The following TMTC3 variants were observed in gnomAD, a reference collection of about 807,000 sequenced individuals.
TMTC3 encodes protein O-mannosyl-transferase TMTC3.
TMTC3 carries 52 observed loss-of-function variants against 92.2 expected under a neutral mutation model. The ratio of observed to expected loss-of-function variants is 0.56; its 90% CI spans 0.45 to 0.71. TMTC3 has a LOEUF of 0.71. Among genes scored for constraint, TMTC3 ranks in the 30% least tolerant of loss-of-function variants. The pLI is 0.00. For missense variants in TMTC3, 896 were observed against 1,057.1 expected (o/e 0.85, Z 2.11); for synonymous variants, 339 against 363.3 (o/e 0.93, Z 0.76).
Position 88,176,227 on chromosome 12 carries a change from A to G in TMTC3, c.1340A>G (p.Lys447Arg), listed in dbSNP as rs1195810952. ...TTTAAGGTAAATAAAAATAATGCCA[A>G]ACTTTGGAATAATGTGGGTCATGCT... ...SALKVNKNNA[K>R]LWNNVGHALE... The change falls in exon 10 of 14, where the codon AAA (lysine) becomes AGA (arginine). Residue 447 changes from lysine to arginine, a missense_variant. Lys to Arg is a conservative substitution (Grantham distance 26, BLOSUM62 2). Transcript: ENST00000266712. The G allele has an allele frequency of 6.2e-7, 1 of 1,608,866 alleles. No individual in the cohort carries two copies. The highest frequency in any genetic ancestry group is 8.5e-7 in the Non-Finnish European group (1 of 1,177,962).
chr12:88,147,742 GT>G (rs1281016983), intron 1 of TMTC3, among the ~76,000 whole-genome samples: 1 of 149,724 alleles, frequency 6.7e-6, no homozygotes, highest in Non-Finnish European at 1.5e-5. Context: ...TTTTTGTTTT[GT>G]TTTGTTTCTA....
intron 1 of TMTC3, among the ~76,000 whole-genome samples, chr12:88,144,273 G>A (rs2040844230): frequency 6.6e-6 from 1 of 152,150 alleles, no homozygotes; most frequent in African/African-American, 2.4e-5. Flanking sequence ...TGGAGTTGTT[G>A]TGATTCAAAT....
chr12:88,172,237 C>T (rs2041212462), intron 7 of TMTC3, among the ~76,000 whole-genome samples: 1 of 152,042 alleles, frequency 6.6e-6, no homozygotes, highest in Non-Finnish European at 1.5e-5. Flanking sequence ...AATTATGCTT[C>T]TCAAATTTAA....
At chr12:88,175,342 C>T (rs901816450) in intron 9 of TMTC3, among the ~76,000 whole-genome samples, 12 of 152,036 alleles carry the variant, frequency 7.9e-5, no homozygotes, top group African/African-American at 2.9e-4. Context: ...AAAGGTTATC[C>T]GCAAAGATTT....
chr12:88,177,818 C>G (rs2041276436), intron 10 of TMTC3, among the ~76,000 whole-genome samples: 1 of 152,026 alleles, frequency 6.6e-6, no homozygotes, highest in Non-Finnish European at 1.5e-5. Flanking sequence ...GACCACTGCA[C>G]TAACTGGCTA....
At chr12:88,165,031 T>A (rs1432514234) in intron 6 of TMTC3, among the ~76,000 whole-genome samples, 1 of 152,124 alleles carries the variant, frequency 6.6e-6, no homozygotes, top group East Asian at 1.9e-4. Flanking sequence ...CTGTTATTCC[T>A]TTTAGAGAAT....
At chr12:88,158,476 A>G (rs1170536892) in intron 4 of TMTC3, among the ~76,000 whole-genome samples, 1 of 152,046 alleles carries the variant, frequency 6.6e-6, no homozygotes, top group African/African-American at 2.4e-5. Context: ...GTTTTGGCCT[A>G]ATGAGATTAT....
rs1214319398 is a variant in TMTC3 at position 88,148,261 on chromosome 12, A to G, written c.-28-27A>G. On this transcript the variant is annotated intron_variant, in intron 1 of 13. Transcript: ENST00000266712. ...CTTACTTGGAATAAATATGTTCCTT[A>G]TTTTATCTTCATGATTTTTTTTCCA... 4 of 1,437,048 alleles carry G rather than the reference A, an allele frequency of 2.8e-6. No homozygotes were observed. The East Asian group carries it at 9.2e-5, about 33-fold the overall frequency. 89.0% of individuals were successfully genotyped at this position (1,437,048 alleles called of 1,614,324 possible).
intron 6 of TMTC3, among the ~76,000 whole-genome samples, chr12:88,161,677 AT>A (rs1409816364): frequency 6.7e-6 from 1 of 148,262 alleles, no homozygotes; most frequent in Admixed American, 6.7e-5. Flanking sequence ...TTAATATTTC[AT>A]TTTATCTCCT....
intron 1 of TMTC3, among the ~76,000 whole-genome samples, chr12:88,146,090 C>A (rs1437258212): frequency 6.6e-6 from 1 of 152,098 alleles, no homozygotes; most frequent in Non-Finnish European, 1.5e-5. Context: ...ATAATGGCCC[C>A]CAGTGAGTCA....
chr12:88,144,558 A>G (rs527845262), intron 1 of TMTC3, among the ~76,000 whole-genome samples: 11 of 152,262 alleles, frequency 7.2e-5, no homozygotes, highest in African/African-American at 2.4e-4. Context: ...ATTTTATTCT[A>G]ATTTTTCAGA....
intron 2 of TMTC3, among the ~76,000 whole-genome samples, chr12:88,152,751 A>G (rs2040958108): frequency 6.6e-6 from 1 of 152,126 alleles, no homozygotes; most frequent in Admixed American, 6.6e-5. Flanking sequence ...ACTCTCTGTA[A>G]TTTGGGAATT....
intron 1 of TMTC3, 88 bp from the exon 2 acceptor site, chr12:88,148,200 T>A: frequency 2.6e-6 from 2 of 759,420 alleles, no homozygotes; most frequent in East Asian, 5.3e-5. Context: ...TCTGGAGAAT[T>A]AATATGCAAT....
chr12:88,148,802 C>A (rs543287086), intron 2 of TMTC3, among the ~76,000 whole-genome samples: 3 of 151,038 alleles, frequency 2.0e-5, no homozygotes, highest in Admixed American at 6.6e-5. Context: ...GGGTATATTG[C>A]GTTATGCTGA....
At chr12:88,148,220 A>T (rs1343608196) in intron 1 of TMTC3, 68 bp from the exon 2 acceptor site, 4 of 953,572 alleles carry the variant, frequency 4.2e-6, no homozygotes, top group Non-Finnish European at 6.3e-6. Flanking sequence ...TTACTTACCC[A>T]CCTACTAAAA....
intron 8 of TMTC3, among the ~76,000 whole-genome samples, 169 bp from the exon 9 acceptor site, chr12:88,174,434 ATTTT>A (rs1379383326): frequency 6.6e-6 from 1 of 152,028 alleles, no homozygotes; most frequent in African/African-American, 2.4e-5. Context: ...ACAGTATTTA[ATTTT>A]TTTGGTGTTG....
intron 11 of TMTC3, 32 bp from the exon 12 acceptor site, chr12:88,190,421 C>A: frequency 1.3e-6 from 2 of 1,598,488 alleles, no homozygotes; most frequent in Non-Finnish European, 1.7e-6. Context: ...ACTGAAATAT[C>A]AAATCATGAA....
chr12:88,163,150 A>T lies in TMTC3; in HGVS notation c.797+2299A>T, dbSNP rs559215031. Reference sequence around the variant, plus strand: ...AGGCTGATCTTGAACTCCTGACCTGAGGTGATCCGCCCACCTCAGCCTCCC... The same window carrying T: ...AGGCTGATCTTGAACTCCTGACCTGTGGTGATCCGCCCACCTCAGCCTCCC... On this transcript the variant is annotated intron_variant, in intron 6 of 13. Transcript: ENST00000266712. Among the ~76,000 whole-genome samples, 372 of 152,166 alleles carry T rather than the reference A, an allele frequency of 2.4e-3. 2 individuals are homozygous for T. Among genetic ancestry groups the T allele is most frequent in the African/African-American group, 8.6e-3 (357 of 41,536 alleles).
intron 10 of TMTC3, among the ~76,000 whole-genome samples, chr12:88,187,268 T>C (rs2041388633): frequency 6.6e-6 from 1 of 152,042 alleles, no homozygotes; most frequent in Non-Finnish European, 1.5e-5. Flanking sequence ...TTGATACATA[T>C]AATGCAAGCA....
Sources: gnomAD v4.1 joint callset for allele counts (sites outside exome capture counted in the v4.1 genomes callset) on GRCh38, gnomAD v4.1.1 for gene constraint, MANE v1.5 for transcripts, NCBI Gene and HGNC (gene_info 2026-07-23, HGNC 2026-07-21) for gene names.